The following BBX variants were observed in gnomAD, a reference collection of about 807,000 sequenced individuals.
BBX encodes BBX high mobility group box domain containing.
BBX carries 30 observed loss-of-function variants against 100.2 expected under a neutral mutation model. The observed-to-expected ratio is 0.30, with a 90% CI of 0.22 to 0.41. BBX has a LOEUF of 0.41. Among genes scored for constraint, BBX ranks in the 10% least tolerant of loss-of-function variants. The pLI is 1.00. For synonymous variants in BBX, 376 were observed against 388.1 expected (o/e 0.97, Z 0.37); for missense variants, 1,023 against 1,129.8 (o/e 0.91, Z 1.35).
At chr3:107,557,314 C>A (rs902597235) in intron 2 of BBX, among the ~76,000 whole-genome samples, 1 of 152,102 alleles carries the variant, frequency 6.6e-6, no homozygotes, top group Non-Finnish European at 1.5e-5. Flanking sequence ...AGAAGTGTGG[C>A]CTTCATCACC....
chr3:107,588,396 A>G (rs1201852360), intron 2 of BBX, among the ~76,000 whole-genome samples: 1 of 152,162 alleles, frequency 6.6e-6, no homozygotes, highest in Non-Finnish European at 1.5e-5. Flanking sequence ...AGGATCAGTA[A>G]GGAAGCCAGC....
At chr3:107,626,432 A>G (rs148281001) in intron 2 of BBX, among the ~76,000 whole-genome samples, 53 of 152,280 alleles carry the variant, frequency 3.5e-4, no homozygotes, top group African/African-American at 1.2e-3. Context: ...ATTCTCTCAC[A>G]GTTTCTATGG....
At chr3:107,663,661 G>C (rs2058581748) in intron 3 of BBX, among the ~76,000 whole-genome samples, 1 of 151,660 alleles carries the variant, frequency 6.6e-6, no homozygotes, top group Non-Finnish European at 1.5e-5. Context: ...TATTTTTCCT[G>C]CTCAACATCG....
intron 10 of BBX, among the ~76,000 whole-genome samples, chr3:107,761,267 A>T (rs1229856888): frequency 1.3e-5 from 2 of 152,220 alleles, no homozygotes; most frequent in East Asian, 3.8e-4. Flanking sequence ...AGATGAAGGT[A>T]AAGTGTATCT....
At chr3:107,619,689 A>G (rs1420196756) in intron 2 of BBX, among the ~76,000 whole-genome samples, 2 of 151,856 alleles carry the variant, frequency 1.3e-5, no homozygotes, top group Non-Finnish European at 2.9e-5. Flanking sequence ...TTCCCTTTCC[A>G]TTGCTGAAGG....
intron 2 of BBX, among the ~76,000 whole-genome samples, chr3:107,612,927 T>C (rs1576495866): frequency 1.3e-5 from 2 of 152,094 alleles, no homozygotes; most frequent in African/African-American, 2.4e-5. Context: ...GGTGCTCTAT[T>C]TTACTGCAGC....
chr3:107,688,642 C>T (rs552523681), intron 3 of BBX, among the ~76,000 whole-genome samples: 1 of 152,264 alleles, frequency 6.6e-6, no homozygotes, highest in South Asian at 2.1e-4. Context: ...ACATTTGTTG[C>T]ACTCTATTAC....
intron 2 of BBX, among the ~76,000 whole-genome samples, chr3:107,590,340 C>T (rs1386476802): frequency 6.6e-6 from 1 of 152,066 alleles, no homozygotes; most frequent in Non-Finnish European, 1.5e-5. Context: ...ATGATCAGAT[C>T]AGCGTAGTTG....
intron 2 of BBX, among the ~76,000 whole-genome samples, chr3:107,614,208 C>G (rs1210932962): frequency 6.6e-6 from 1 of 151,984 alleles, no homozygotes; most frequent in Non-Finnish European, 1.5e-5. Flanking sequence ...CCTCGGCCTC[C>G]CAAAGTGCTG....
intron 2 of BBX, among the ~76,000 whole-genome samples, chr3:107,535,850 C>T (rs867032768): frequency 6.6e-6 from 1 of 152,232 alleles, no homozygotes; most frequent in Non-Finnish European, 1.5e-5. Flanking sequence ...CCACCTGCCT[C>T]AGTCTCCCAA....
Position 107,710,565 on chromosome 3 carries a change from A to T in BBX, c.105A>T (p.Lys35Asn), listed in dbSNP as rs781020323. ...CLQWHPLLAKKLLDFSEEEEE... is the reference protein window; with the variant it reads ...CLQWHPLLAKNLLDFSEEEEE... ...AGTGGCATCCATTGCTAGCAAAGAAACTTCTTGATTTTTCAGAAGAGGAAG... is the reference window on the plus strand; with the variant it reads ...AGTGGCATCCATTGCTAGCAAAGAATCTTCTTGATTTTTCAGAAGAGGAAG... Residue 35 changes from lysine (K) to asparagine (N), a missense_variant, in exon 4 of 18, where the codon AAA becomes AAT. Lys to Asn is a moderately conservative substitution (Grantham distance 94, BLOSUM62 0). Coordinates refer to ENST00000325805, the MANE Select transcript of BBX (RefSeq NM_001142568.3). 4 of 1,613,998 alleles carry T rather than the reference A, an allele frequency of 2.5e-6. No homozygotes were observed. In the South Asian group the frequency reaches 4.4e-5, roughly 18 times the overall value.
rs200449835 is a variant in BBX, at chr3:107,789,860, C to T, written c.2277C>T (p.Pro759=). 1.5e-3 allele frequency: 2,304 copies of T among 1,549,536 alleles called. 3 individuals carry two copies. Among genetic ancestry groups the T allele is most frequent in the Non-Finnish European group, 1.9e-3 (2,177 of 1,145,480 alleles). ...AATATAAGCACAAAAAGGAGAAGCC[C>T]AATGTTCCGGAAAAAGGTATTGGTG... The part of the protein sequence containing the change: ...VSKYKHKKEK[P]NVPEKGSGDK... The change falls in exon 14 of 18, where the codon CCC becomes CCT. Residue 759 remains proline, a synonymous_variant. Transcript: ENST00000325805.
Position 107,808,734 on chromosome 3 carries a change from C to A in BBX, c.*3277C>A, listed in dbSNP as rs1332251128. On this transcript the variant is annotated 3_prime_UTR_variant, in exon 18 of 18. Transcript: ENST00000325805. The stretch of plus-strand genomic sequence containing the variant: ...TCTTGTCCCCAAATTAGGTTAGTTC[C>A]CAGATTTTAGATCAAAACTGTTAAT... 1 of 152,148 alleles carries A rather than the reference C, an allele frequency of 6.6e-6. No homozygotes were observed. Among genetic ancestry groups the A allele is most frequent in the Non-Finnish European group, 1.5e-5 (1 of 68,024 alleles). 9.4% of individuals were successfully genotyped at this position (152,148 alleles called of 1,614,324 possible).
chr3:107,769,066 G>T (rs1487974713), intron 10 of BBX, among the ~76,000 whole-genome samples: 2 of 151,458 alleles, frequency 1.3e-5, no homozygotes, highest in Non-Finnish European at 2.9e-5. Flanking sequence ...TACTCGGGAG[G>T]CTGAAATGTG....
At chr3:107,782,285 G>A (rs1015146783) in intron 13 of BBX, among the ~76,000 whole-genome samples, 1 of 151,870 alleles carries the variant, frequency 6.6e-6, no homozygotes, top group Non-Finnish European at 1.5e-5. Flanking sequence ...GCAGGTGGGA[G>A]CACATTGCTA....
chr3:107,600,824 C>T (rs2054010495), intron 2 of BBX, among the ~76,000 whole-genome samples: 1 of 152,186 alleles, frequency 6.6e-6, no homozygotes, highest in Non-Finnish European at 1.5e-5. Flanking sequence ...CTCACCTCTA[C>T]ACCACAGAGA....
intron 7 of BBX, among the ~76,000 whole-genome samples, chr3:107,736,309 G>A (rs1313607622): frequency 6.6e-6 from 1 of 152,082 alleles, no homozygotes; most frequent in African/African-American, 2.4e-5. Flanking sequence ...ATCAAATGTA[G>A]TTCTTTAATC....
chr3:107,624,918 G>A (rs541915293), intron 2 of BBX, among the ~76,000 whole-genome samples: 2 of 152,174 alleles, frequency 1.3e-5, no homozygotes, highest in Non-Finnish European at 2.9e-5. Context: ...AACATTCATA[G>A]TTTGCTCCTG....
intron 2 of BBX, among the ~76,000 whole-genome samples, chr3:107,585,863 A>T (rs905839659): frequency 1.1e-4 from 16 of 152,192 alleles, no homozygotes; most frequent in African/African-American, 3.9e-4. Context: ...CTATTTGGTT[A>T]TATTTATTTC....
Sources: allele counts gnomAD v4.1 joint callset (sites outside exome capture counted in the v4.1 genomes callset), GRCh38; gene constraint gnomAD v4.1.1; transcripts MANE v1.5; gene names NCBI Gene and HGNC (gene_info 2026-07-23, HGNC 2026-07-21).